TBC1D8: variants seen among roughly 807,000 people sequenced by gnomAD.
TBC1D8 encodes BUB2-like protein 1.
TBC1D8 carries 65 observed loss-of-function variants against 118.8 expected under a neutral mutation model. The ratio of observed to expected loss-of-function variants is 0.55; its 90% CI spans 0.45 to 0.67. TBC1D8 has a LOEUF of 0.67. Among genes scored for constraint, TBC1D8 ranks in the 30% least tolerant of loss-of-function variants. TBC1D8 has a pLI of 0.00. For synonymous variants in TBC1D8, 566 were observed against 595.8 expected (o/e 0.95, Z 0.73); for missense variants, 1,376 against 1,471.2 (o/e 0.94, Z 1.06).
chr2:101,022,222 G>C, intron 16 of TBC1D8, 59 bp downstream of exon 16: 1 of 1,608,472 alleles, frequency 6.2e-7, no homozygotes, highest in Non-Finnish European at 8.5e-7. Context: ...TCCACTTTGT[G>C]TTCTGCTCAC....
At position 101,033,662 on chromosome 2, in the gene TBC1D8, C is replaced by G; in HGVS notation, c.1700G>C (p.Arg567Pro). 6.2e-7 allele frequency: 1 copy of G among 1,613,914 alleles called. No individual in the cohort carries two copies. Among genetic ancestry groups the G allele is most frequent in the Non-Finnish European group, 8.5e-7 (1 of 1,179,892 alleles). ...CTCTGGCAGGGAGCGGTGCAGGTCT[C>G]GTTCTATCTCCTCGGTTACCAGGCA... ...KCCLVTEEIE[R>P]DLHRSLPEHP... Residue 567 changes from arginine (R) to proline (P), a missense_variant, in exon 10 of 20, where the codon CGA (arginine) becomes CCA (proline). Coordinates refer to ENST00000409318, the MANE Select transcript of TBC1D8 (RefSeq NM_001330348.2).
intron 1 of TBC1D8, among the ~76,000 whole-genome samples, chr2:101,129,572 G>C (rs901189366): frequency 6.6e-6 from 1 of 152,200 alleles, no homozygotes; most frequent in Non-Finnish European, 1.5e-5. Flanking sequence ...GAAGAAGGCA[G>C]CCAGGAACAC....
chr2:101,081,740 T>C (rs1167405409), intron 2 of TBC1D8, among the ~76,000 whole-genome samples: 2 of 152,236 alleles, frequency 1.3e-5, no homozygotes, highest in Non-Finnish European at 2.9e-5. Context: ...CTTAGAATGA[T>C]CTAGGCAGAT....
At chr2:101,033,818 G>A (rs529348976) in intron 9 of TBC1D8, 60 bp from the exon 10 acceptor site, 20 of 1,553,376 alleles carry the variant, frequency 1.3e-5, no homozygotes, top group African/African-American at 8.1e-5. Flanking sequence ...TCATGATGAA[G>A]AAGATGCTGG....
At chr2:101,132,342 G>C (rs1226558064) in intron 1 of TBC1D8, among the ~76,000 whole-genome samples, 1 of 152,132 alleles carries the variant, frequency 6.6e-6, no homozygotes, top group Non-Finnish European at 1.5e-5. Flanking sequence ...ATCAACTCCA[G>C]TGAATTTTAC....
chr2:101,057,549 G>C (rs1682508936), intron 3 of TBC1D8, among the ~76,000 whole-genome samples: 1 of 152,190 alleles, frequency 6.6e-6, no homozygotes, highest in East Asian at 1.9e-4. Flanking sequence ...TGTTTGGCTG[G>C]GCGTGGTGGC....
intron 1 of TBC1D8, among the ~76,000 whole-genome samples, chr2:101,104,059 C>A (rs1677043389): frequency 6.6e-6 from 1 of 151,994 alleles, no homozygotes; most frequent in Non-Finnish European, 1.5e-5. Flanking sequence ...ATTGGAACAA[C>A]TGGAACTGGA....
intron 8 of TBC1D8, among the ~76,000 whole-genome samples, chr2:101,037,178 G>C (rs1681061041): frequency 6.6e-6 from 1 of 151,854 alleles, no homozygotes; most frequent in African/African-American, 2.4e-5. Flanking sequence ...TCTTCTCCCA[G>C]AAGACAAAAA....
chr2:101,134,298 G>A (rs1000231025), intron 1 of TBC1D8, among the ~76,000 whole-genome samples: 2 of 151,660 alleles, frequency 1.3e-5, no homozygotes, highest in African/African-American at 4.8e-5. Flanking sequence ...GTCTCATCTT[G>A]GGTCTTAGTA....
At chr2:101,010,812 G>A (rs1268169008) in intron 19 of TBC1D8, 117 bp downstream of exon 19, 7 of 759,300 alleles carry the variant, frequency 9.2e-6, no homozygotes, top group Non-Finnish European at 1.5e-5. Flanking sequence ...AACCCTGGAG[G>A]TGGAGGTTGC....
chr2:101,141,858 G>A, intron 1 of TBC1D8, among the ~76,000 whole-genome samples: 1 of 145,388 alleles, frequency 6.9e-6, no homozygotes, highest in South Asian at 2.2e-4. Context: ...CTAAAAAAAA[G>A]GTAAGCCAAC....
In TBC1D8 at chr2:101,028,362, C is replaced by T. The variant is rs758001242; in HGVS notation, c.2293G>A (p.Asp765Asn). 35 of 1,611,810 alleles carry T rather than the reference C, an allele frequency of 2.2e-5. No homozygotes were observed. The highest frequency in any genetic ancestry group is 5.5e-5 in the South Asian group (5 of 90,788). ...PVGSHHAFFS[D>N]DQEPYPVTDI... ...GTCACAGGGTAGGGCTCCTGGTCGTCGGAGAAAAAGGCATGGTGGCTGCCA... is the reference window on the plus strand; with the variant it reads ...GTCACAGGGTAGGGCTCCTGGTCGTTGGAGAAAAAGGCATGGTGGCTGCCA... Residue 765 changes from aspartate (D) to asparagine (N), a missense_variant, in exon 13 of 20, where the codon GAC (aspartate) becomes AAC (asparagine). Physicochemically the swap from Asp to Asn is conservative, Grantham distance 23. Transcript: ENST00000409318.
intron 19 of TBC1D8, 96 bp from the exon 20 acceptor site, chr2:101,008,369 G>GTAT (rs1432326892): frequency 1.2e-5 from 12 of 992,290 alleles, no homozygotes; most frequent in Middle Eastern, 2.4e-4. Context: ...AAACGACACA[G>GTAT]TATTTTTGAA....
At chr2:101,079,310 G>C (rs1170578805) in intron 2 of TBC1D8, among the ~76,000 whole-genome samples, 2 of 152,184 alleles carry the variant, frequency 1.3e-5, no homozygotes, top group African/African-American at 4.8e-5. Flanking sequence ...TTACCAACTG[G>C]TTCTGTAACC....
chr2:101,061,319 C>T (rs1040341841), intron 2 of TBC1D8, among the ~76,000 whole-genome samples: 10 of 152,052 alleles, frequency 6.6e-5, no homozygotes, highest in African/African-American at 2.4e-4. Context: ...GCCAGGGGAC[C>T]GGCTCTGGAC....
Position 101,151,336 on chromosome 2 carries a change from C to G in TBC1D8, c.-83G>C. 1 of 1,079,924 alleles carries G rather than the reference C, an allele frequency of 9.3e-7. No homozygotes were observed. The highest frequency in any genetic ancestry group is 5.6e-5 in the East Asian group (1 of 17,876). 66.9% of individuals were successfully genotyped at this position (1,079,924 alleles called of 1,614,324 possible). The stretch of plus-strand genomic sequence containing the variant: ...CTGTGAGCCGAGCCCGCTCGAGAGG[C>G]GACGGCGGCGCGCGGGGACCACAGC... On this transcript the variant is annotated 5_prime_UTR_variant, in exon 1 of 20. Transcript: ENST00000409318.
intron 3 of TBC1D8, among the ~76,000 whole-genome samples, chr2:101,058,549 T>A (rs1023321506): frequency 2.0e-5 from 3 of 152,200 alleles, no homozygotes; most frequent in Non-Finnish European, 4.4e-5. Flanking sequence ...TTACCCATCA[T>A]GTTATTGCAG....
chr2:101,029,642 T>C lies in TBC1D8; in HGVS notation c.2071A>G (p.Met691Val). ...SWFLTLFLSIMPLESAVNVVD... is the reference protein window; with the variant it reads ...SWFLTLFLSIVPLESAVNVVD... ...ACATTCACCGCACTCTCTAGAGGCA[T>C]GATGCTGAGGAACAGGGTCAGGAAC... The change falls in exon 12 of 20, where the codon ATG becomes GTG. Residue 691 changes from methionine (M) to valine (V), a missense_variant. Transcript: ENST00000409318. The C allele has an allele frequency of 2.5e-6, 4 of 1,613,968 alleles. No homozygotes were observed. The highest frequency in any genetic ancestry group is 3.4e-6 in the Non-Finnish European group (4 of 1,179,896).
intron 2 of TBC1D8, among the ~76,000 whole-genome samples, chr2:101,065,018 A>C (rs923267486): frequency 6.6e-6 from 1 of 152,158 alleles, no homozygotes; most frequent in Non-Finnish European, 1.5e-5. Context: ...AGTCACACTG[A>C]AACGCACACA....
Sources: allele counts gnomAD v4.1 joint callset (sites outside exome capture counted in the v4.1 genomes callset), GRCh38; gene constraint gnomAD v4.1.1; transcripts MANE v1.5; gene names NCBI Gene and HGNC (gene_info 2026-07-23, HGNC 2026-07-21).